PHRF1: variants seen among roughly 807,000 people sequenced by gnomAD.
PHRF1 encodes PHD and ring finger domains 1, also known as PHD and RING finger domain-containing protein 1.
In PHRF1, 53 loss-of-function variants were observed where a neutral mutation model predicts 128.9. The observed-to-expected ratio is 0.41, with a 90% CI of 0.33 to 0.52. PHRF1 has a LOEUF of 0.52. Among genes scored for constraint, PHRF1 ranks in the 20% least tolerant of loss-of-function variants. PHRF1 has a pLI of 0.21. For missense variants in PHRF1, 2,503 were observed against 2,284.5 expected (o/e 1.10, Z -1.95); for synonymous variants, 1,178 against 980.6 (o/e 1.20, Z -3.76).
At chr11:604,227 C>G (rs1456582415) in intron 10 of PHRF1, among the ~76,000 whole-genome samples, 2 of 152,180 alleles carry the variant, frequency 1.3e-5, no homozygotes, top group African/African-American at 4.8e-5. Context: ...TGGGCGTCGT[C>G]CTGAGCTTTT....
At chr11:587,122 A>C in intron 3 of PHRF1, 137 bp from the exon 4 acceptor site, 1 of 754,622 alleles carries the variant, frequency 1.3e-6, no homozygotes, top group Non-Finnish European at 2.2e-6. Context: ...CGTGGAGGTA[A>C]GTGGCAGGAG....
At chr11:605,407 A>G in intron 11 of PHRF1, 107 bp downstream of exon 11, 6 of 1,499,288 alleles carry the variant, frequency 4.0e-6, no homozygotes, top group Non-Finnish European at 5.4e-6. Context: ...TGTGTTTGAG[A>G]GTGAGGGTGG....
chr11:589,459 A>G (rs1471371329), intron 4 of PHRF1, among the ~76,000 whole-genome samples: 3 of 152,144 alleles, frequency 2.0e-5, no homozygotes, highest in Non-Finnish European at 4.4e-5. Flanking sequence ...AAGGGGAGAA[A>G]TTGCCTACTG....
rs1855391118 is a variant in PHRF1 at position 597,851 on chromosome 11, A to C, written c.894+281A>C. ...CTCTAGGAAACCCCCCTTGTTCCCC[A>C]GGCCCCATGCCAGCACCGCTCCCTC... On this transcript the variant is annotated intron_variant, in intron 8 of 17. Coordinates refer to ENST00000264555, the MANE Select transcript of PHRF1 (RefSeq NM_001286581.2). This position sits in a 1 kb window ranked among gnomAD's most constrained non-coding sequence, Gnocchi z 6.5. 6.6e-6 allele frequency among the ~76,000 whole-genome samples: 1 copy of C among 152,100 alleles called. No individual in the cohort carries two copies. Among genetic ancestry groups the C allele is most frequent in the South Asian group, 2.1e-4 (1 of 4,830 alleles).
intron 5 of PHRF1, 118 bp from the exon 6 acceptor site, chr11:592,441 G>A (rs561356316): frequency 1.0e-6 from 1 of 979,436 alleles, no homozygotes; most frequent in African/African-American, 1.6e-5. Context: ...CTGGGCCTGT[G>A]GAGCCCAAAT....
chr11:591,490 AG>A, intron 5 of PHRF1, 23 bp downstream of exon 5: 1 of 1,583,004 alleles, frequency 6.3e-7, no homozygotes, highest in Middle Eastern at 1.7e-4. Context: ...GCTGCCGTGG[AG>A]GCCCCAGCCG....
chr11:605,265 G>A lies in PHRF1; in HGVS notation c.1299G>A (p.Leu433=). 1 of 1,613,698 alleles carries A rather than the reference G, an allele frequency of 6.2e-7. No homozygotes were observed. The highest frequency in any genetic ancestry group is 8.5e-7 in the Non-Finnish European group (1 of 1,179,868). The change falls in exon 11 of 18, where the codon CTG becomes CTA. Residue 433 remains leucine, a synonymous_variant. Coordinates refer to ENST00000264555, the MANE Select transcript of PHRF1 (RefSeq NM_001286581.2). ...ATATTGGAGCTGCCTCTCTGTCTCTGTTTGGAGATCCTTATGAGCTGGATC... is the reference window on the plus strand; with the variant it reads ...ATATTGGAGCTGCCTCTCTGTCTCTATTTGGAGATCCTTATGAGCTGGATC... ...RADIGAASLS[L]FGDPYELDPF...
intron 9 of PHRF1, among the ~76,000 whole-genome samples, chr11:599,165 C>T (rs1251832861): frequency 6.6e-6 from 1 of 151,874 alleles, no homozygotes; most frequent in African/African-American, 2.4e-5. Flanking sequence ...CGCATGGACT[C>T]CTGCTTTACT....
At chr11:596,758 G>T (rs928800127) in intron 6 of PHRF1, among the ~76,000 whole-genome samples, 165 bp from the exon 7 acceptor site, 7 of 152,174 alleles carry the variant, frequency 4.6e-5, no homozygotes, top group African/African-American at 7.2e-5. Context: ...TCACATTGGG[G>T]GTTAGGGCTT....
chr11:585,127 C>G (rs888928999), intron 3 of PHRF1, among the ~76,000 whole-genome samples: 6 of 152,204 alleles, frequency 3.9e-5, no homozygotes, highest in Admixed American at 6.5e-5. Flanking sequence ...CGAGCAACAC[C>G]CACGTTGCTG....
Position 609,645 on chromosome 11 carries a change from A to G in PHRF1, c.4189A>G (p.Arg1397Gly), listed in dbSNP as rs774608720. ...TTCGCAGACCCCCCTGCTGCGGTCC[A>G]GAGCCCTGGTGAAGCGGGTCACCTG... The part of the protein sequence containing the change: ...VVSQTPLLRS[R>G]ALVKRVTWNL... The change falls in exon 14 of 18, where the codon AGA becomes GGA. Residue 1397 changes from arginine (R) to glycine (G), a missense_variant. Physicochemically the swap from Arg to Gly is moderately radical, Grantham distance 125. Coordinates refer to ENST00000264555, the MANE Select transcript of PHRF1 (RefSeq NM_001286581.2). 4 of 1,573,722 alleles carry G rather than the reference A, an allele frequency of 2.5e-6. No individual in the cohort carries two copies. The African/African-American group carries it at 5.4e-5, about 21-fold the overall frequency.
intron 10 of PHRF1, among the ~76,000 whole-genome samples, chr11:602,770 G>GTT (rs577884558): frequency 1.4e-5 from 2 of 138,438 alleles, no homozygotes; most frequent in Non-Finnish European, 1.5e-5. Flanking sequence ...TGTTTTTTTT[G>GTT]TTTTTTTTTT....
Position 609,231 on chromosome 11 carries a change from C to G in PHRF1, c.3775C>G (p.Leu1259Val). Reference protein sequence around the residue: ...AAECEPDDLDLDYGDSVEAGH... With the variant: ...AAECEPDDLDVDYGDSVEAGH... ...TGAGTGTGAGCCGGACGACCTGGAC[C>G]TGGATTATGGCGACTCCGTGGAGGC... Residue 1259 changes from leucine (L) to valine (V), a missense_variant, in exon 14 of 18, where the codon CTG becomes GTG. By Grantham distance (32) the Leu-to-Val change is conservative. Transcript: ENST00000264555. 3 of 1,610,892 alleles carry G rather than the reference C, an allele frequency of 1.9e-6. No individual in the cohort carries two copies. The highest frequency in any genetic ancestry group is 2.5e-6 in the Non-Finnish European group (3 of 1,179,880).
chr11:606,351 C>A, intron 12 of PHRF1, 91 bp from the exon 13 acceptor site: 1 of 1,434,640 alleles, frequency 7.0e-7, no homozygotes, highest in South Asian at 1.4e-5. Context: ...CCCACTCTCC[C>A]TGGCTCCCGC....
chr11:609,617 G>C lies in PHRF1; in HGVS notation c.4161G>C (p.Val1387=). ...AGGAGGCAGCCCGGCCTGAGGAGGT[G>C]GTTTCGCAGACCCCCCTGCTGCGGT... ...RVQEAARPEE[V]VSQTPLLRSR... The change falls in exon 14 of 18, where the codon GTG becomes GTC. Residue 1387 remains valine, a synonymous_variant. Transcript: ENST00000264555. 6.3e-7 allele frequency: 1 copy of C among 1,586,448 alleles called. No individual in the cohort carries two copies. Among genetic ancestry groups the C allele is most frequent in the Non-Finnish European group, 8.6e-7 (1 of 1,168,162 alleles).
rs73398385 is a variant in PHRF1 at position 611,617 on chromosome 11, T to C, written c.4807-17T>C. The C allele has an allele frequency of 1.8e-3, 2,860 of 1,612,792 alleles. 38 individuals are homozygous for C. In the African/African-American group the frequency reaches 0.033, roughly 19 times the overall value. On this transcript the variant is annotated splice_polypyrimidine_tract_variant and intron_variant, in intron 17 of 17. Coordinates refer to ENST00000264555, the MANE Select transcript of PHRF1 (RefSeq NM_001286581.2). Reference sequence around the variant, plus strand: ...TGGATGTGAAAGGGCATTTGGTGATTGCACCTCTTTCTCCAGATCTGCCAC... The same window carrying C: ...TGGATGTGAAAGGGCATTTGGTGATCGCACCTCTTTCTCCAGATCTGCCAC...
chr11:609,887 C>CTT (rs1446820731), intron 14 of PHRF1, among the ~76,000 whole-genome samples, 167 bp downstream of exon 14: 2 of 151,886 alleles, frequency 1.3e-5, no homozygotes, highest in Admixed American at 1.3e-4. Context: ...CCCTGTGAAT[C>CTT]TGACTCCTGT....
At position 582,035 on chromosome 11, in the gene PHRF1, A is replaced by G; in HGVS notation, c.168A>G (p.Gly56=). 1 of 1,607,502 alleles carries G rather than the reference A, an allele frequency of 6.2e-7. No homozygotes were observed. The highest frequency in any genetic ancestry group is 1.1e-5 in the South Asian group (1 of 89,454). Reference sequence around the variant, plus strand: ...GCGAGCATGGAGATGGCACAGACGGAGAAGACGAGGGGGCGTCTGAGGAGG... The same window carrying G: ...GCGAGCATGGAGATGGCACAGACGGGGAAGACGAGGGGGCGTCTGAGGAGG... ...SDSEHGDGTD[G]EDEGASEEED... The change falls in exon 3 of 18, where the codon GGA becomes GGG. Residue 56 remains glycine (G), a synonymous_variant. Coordinates refer to ENST00000264555, the MANE Select transcript of PHRF1 (RefSeq NM_001286581.2).
rs191854352 is a variant in PHRF1 at position 611,132 on chromosome 11, G to A, written c.4806+50G>A. 3.5e-4 allele frequency: 554 copies of A among 1,602,078 alleles called. 3 individuals are homozygous for A. In the African/African-American group the frequency reaches 6.6e-3, roughly 19 times the overall value. On this transcript the variant is annotated intron_variant, in intron 17 of 17. Coordinates refer to ENST00000264555, the MANE Select transcript of PHRF1 (RefSeq NM_001286581.2). Reference sequence around the variant, plus strand: ...TGGGGCTCGGGGTCACGGGCGGTACGTCGCTGCTGTCTCGTCAGCATGGAC... The same window carrying A: ...TGGGGCTCGGGGTCACGGGCGGTACATCGCTGCTGTCTCGTCAGCATGGAC...
Sources: gnomAD v4.1 joint callset for allele counts (sites outside exome capture counted in the v4.1 genomes callset) on GRCh38, gnomAD v4.1.1 for gene constraint, Gnocchi (gnomAD v3.1) non-coding constraint, MANE v1.5 for transcripts, NCBI Gene and HGNC (gene_info 2026-07-23, HGNC 2026-07-21) for gene names.